Variants in CCSER1 observed in about 807,000 individuals in gnomAD.
CCSER1 encodes coiled-coil serine rich protein 1.
In CCSER1, 41 loss-of-function variants were observed where a neutral mutation model predicts 82.0. The ratio of observed to expected loss-of-function variants is 0.50; its 90% CI spans 0.39 to 0.65. The LOEUF (loss-of-function observed/expected upper bound fraction) is 0.65, where lower values mean the gene tolerates loss of function less well. CCSER1 is among the 30% of genes least tolerant of loss of function. The pLI is 0.00. For missense variants in CCSER1, 1,119 were observed against 1,064.2 expected (o/e 1.05, Z -0.72); for synonymous variants, 414 against 383.9 (o/e 1.08, Z -0.92).
chr4:90,414,258 C>T (rs1755457216), intron 4 of CCSER1, among the ~76,000 whole-genome samples: 1 of 150,906 alleles, frequency 6.6e-6, no homozygotes, highest in African/African-American at 2.4e-5. Flanking sequence ...GTTTTAAATT[C>T]TAATATAAAG....
chr4:90,229,508 G>A (rs1743990870), intron 1 of CCSER1, among the ~76,000 whole-genome samples: 1 of 152,126 alleles, frequency 6.6e-6, no homozygotes, highest in African/African-American at 2.4e-5. Flanking sequence ...ACCAGCCGCT[G>A]CAAAATCATG....
chr4:90,360,988 C>A (rs1745280427), intron 3 of CCSER1, among the ~76,000 whole-genome samples: 1 of 152,084 alleles, frequency 6.6e-6, no homozygotes, highest in African/African-American at 2.4e-5. Context: ...TATTAATTTA[C>A]ATAATTTACA....
At chr4:90,708,853 T>C (rs1035076011) in intron 6 of CCSER1, among the ~76,000 whole-genome samples, 2 of 152,166 alleles carry the variant, frequency 1.3e-5, no homozygotes, top group Admixed American at 6.6e-5. Context: ...AATTTCTCTT[T>C]GCCAGTTGAA....
At chr4:90,415,662 G>A (rs1755678792) in intron 4 of CCSER1, among the ~76,000 whole-genome samples, 1 of 152,140 alleles carries the variant, frequency 6.6e-6, no homozygotes, top group Admixed American at 6.5e-5. Context: ...TTCTAAATAA[G>A]AATTTGGGTT....
rs188368582 is a variant in CCSER1, at chr4:91,039,730, A to T, written c.2173-46220A>T. On this transcript the variant is annotated intron_variant, in intron 9 of 10. Transcript: ENST00000509176. ...ATATATGAGTATCTTTCTGTAAAAAATTTTTTAATGTAGAATTATATATGT... is the reference window on the plus strand; with the variant it reads ...ATATATGAGTATCTTTCTGTAAAAATTTTTTTAATGTAGAATTATATATGT... Among the ~76,000 whole-genome samples the T allele has an allele frequency of 7.7e-4, 117 of 151,912 alleles. 1 individual carries two copies. In the East Asian group the frequency reaches 0.014, roughly 18 times the overall value.
intron 9 of CCSER1, among the ~76,000 whole-genome samples, chr4:91,082,071 T>G (rs1040628894): frequency 6.6e-6 from 1 of 152,058 alleles, no homozygotes; most frequent in Admixed American, 6.6e-5. Context: ...CTACTTTAAA[T>G]TTCATACGGA....
At chr4:91,292,963 T>G (rs2149221662) in intron 10 of CCSER1, among the ~76,000 whole-genome samples, 1 of 152,136 alleles carries the variant, frequency 6.6e-6, no homozygotes, top group South Asian at 2.1e-4. Context: ...CCTGGGACCC[T>G]TAAGTATACG....
intron 4 of CCSER1, chr4:90,403,806 TA>T (rs1389743746): frequency 6.6e-6 from 1 of 152,202 alleles, no homozygotes; most frequent in Non-Finnish European, 1.5e-5. Context: ...ATTGACTTTT[TA>T]AAAGACCACA....
At chr4:90,749,110 C>T (rs1395486893) in intron 7 of CCSER1, among the ~76,000 whole-genome samples, 36 of 152,006 alleles carry the variant, frequency 2.4e-4, no homozygotes, top group Non-Finnish European at 3.7e-4. Context: ...GAAGTCCTTG[C>T]GCATGCCTAT....
At chr4:91,084,016 T>C (rs866278870) in intron 9 of CCSER1, among the ~76,000 whole-genome samples, 1 of 152,236 alleles carries the variant, frequency 6.6e-6, no homozygotes, top group African/African-American at 2.4e-5. Flanking sequence ...CTGTAACCTC[T>C]GCTTTCTGGG....
chr4:91,198,719 G>C (rs1039405227), intron 10 of CCSER1, among the ~76,000 whole-genome samples: 1 of 152,092 alleles, frequency 6.6e-6, no homozygotes, highest in African/African-American at 2.4e-5. Flanking sequence ...TTTTGAGGAC[G>C]TGGTGGAAAA....
intron 6 of CCSER1, among the ~76,000 whole-genome samples, chr4:90,673,627 A>G (rs1733227362): frequency 6.6e-6 from 1 of 151,934 alleles, no homozygotes; most frequent in South Asian, 2.1e-4. Context: ...TACTCTCCCA[A>G]CCTAGAAATC....
intron 10 of CCSER1, among the ~76,000 whole-genome samples, chr4:91,210,721 G>A (rs1030378540): frequency 5.3e-5 from 8 of 151,750 alleles, no homozygotes; most frequent in African/African-American, 1.9e-4. Flanking sequence ...AAAGACAAAT[G>A]ACAATTATAT....
intron 4 of CCSER1, among the ~76,000 whole-genome samples, chr4:90,432,718 T>A (rs1000797954): frequency 1.3e-5 from 2 of 152,110 alleles, no homozygotes; most frequent in African/African-American, 4.8e-5. Flanking sequence ...GTCTCCCCAG[T>A]AGCTGAGACT....
At chr4:91,310,874 T>C (rs1310211124) in intron 10 of CCSER1, among the ~76,000 whole-genome samples, 2 of 151,834 alleles carry the variant, frequency 1.3e-5, no homozygotes. Flanking sequence ...GCTCATCAGG[T>C]ATTGTTAGTG....
intron 10 of CCSER1, among the ~76,000 whole-genome samples, chr4:91,093,111 C>A (rs1724138836): frequency 6.6e-6 from 1 of 152,170 alleles, no homozygotes; most frequent in Admixed American, 6.5e-5. Context: ...AGTTCTAGAG[C>A]CCGAGTTAAA....
In CCSER1 at chr4:90,634,649, G is replaced by A. The variant is rs191086874; in HGVS notation, c.1932+6417G>A. ...TGAGATGGAAAGAAAAGTCTATAGG[G>A]TAGGAACTTCAGCAATGGATAATTA... is the stretch of plus-strand genomic sequence containing the variant. On this transcript the variant is annotated intron_variant, in intron 6 of 10. Coordinates refer to ENST00000509176, the MANE Select transcript of CCSER1 (RefSeq NM_001145065.2). Among the ~76,000 whole-genome samples, 509 of 151,746 alleles carry A rather than the reference G, an allele frequency of 3.4e-3. 3 individuals are homozygous for A. The highest frequency in any genetic ancestry group is 2.8e-3 in the Non-Finnish European group (187 of 67,696).
intron 10 of CCSER1, among the ~76,000 whole-genome samples, chr4:91,179,554 G>A (rs145219251): frequency 0.013 from 2,045 of 152,056 alleles, 29 homozygotes; most frequent in African/African-American, 0.037. Flanking sequence ...CATTCATTTG[G>A]TCTTCGTTCA....
chr4:90,858,699 C>T lies in CCSER1; in HGVS notation c.2094+42854C>T, dbSNP rs933395278. Among the ~76,000 whole-genome samples, 11 of 151,904 alleles carry T rather than the reference C, an allele frequency of 7.2e-5. No individual in the cohort carries two copies. In the East Asian group the frequency reaches 1.4e-3, roughly 19 times the overall value. ...CCTTTACCACGTCTATGGTCACAGA[C>T]GCAACAAAGCCTAATCTGATACCAT... On this transcript the variant is annotated intron_variant, in intron 8 of 10. Transcript: ENST00000509176.
Sources: allele counts gnomAD v4.1 joint callset (sites outside exome capture counted in the v4.1 genomes callset), GRCh38; gene constraint gnomAD v4.1.1; transcripts MANE v1.5; gene names NCBI Gene and HGNC (gene_info 2026-07-23, HGNC 2026-07-21).